Variants in MAPK9 observed in about 807,000 individuals in gnomAD.
MAPK9 encodes Jun kinase.
A neutral mutation model predicts 57.1 loss-of-function variants in MAPK9; 30 were observed. The observed-to-expected ratio is 0.53, with a 90% confidence interval of 0.39 to 0.71. The LOEUF (loss-of-function observed/expected upper bound fraction) is 0.71. Ranked by LOEUF, MAPK9 falls within the 30% of genes least tolerant of loss-of-function variation. MAPK9 has a pLI of 0.00. For synonymous variants in MAPK9, 155 were observed against 177.0 expected (o/e 0.88, Z 0.99); for missense variants, 362 against 521.0 (o/e 0.69, Z 2.97).
chr5:180,278,182 C>A lies in MAPK9; in HGVS notation c.122+2258G>T, dbSNP rs35881695. Reference sequence around the variant, plus strand: ...TCAACAAGTCTCTCCGTGGTACAGGCAATAAGGTCCCAAAGGCCCACAGCT... The same window carrying A: ...TCAACAAGTCTCTCCGTGGTACAGGAAATAAGGTCCCAAAGGCCCACAGCT... On this transcript the variant is annotated intron_variant, in intron 2 of 11. Transcript: ENST00000452135. Among the ~76,000 whole-genome samples, 85 of 152,330 alleles carry A rather than the reference C, an allele frequency of 5.6e-4. No homozygotes were observed. In the East Asian group the frequency reaches 0.015, roughly 27 times the overall value.
intron 1 of MAPK9, among the ~76,000 whole-genome samples, chr5:180,283,645 T>C (rs1043615129): frequency 1.3e-5 from 2 of 152,198 alleles, no homozygotes; most frequent in African/African-American, 4.8e-5. Flanking sequence ...CATCTCAAGA[T>C]TTAAAATAGT....
intron 3 of MAPK9, among the ~76,000 whole-genome samples, chr5:180,265,051 T>C (rs1760383751): frequency 6.6e-6 from 1 of 152,234 alleles, no homozygotes; most frequent in Admixed American, 6.5e-5. Context: ...CTTTTATGTG[T>C]CCCTAGTAAC....
intron 2 of MAPK9, among the ~76,000 whole-genome samples, chr5:180,274,526 C>A (rs1217825185): frequency 6.6e-6 from 1 of 152,204 alleles, no homozygotes; most frequent in East Asian, 1.9e-4. Flanking sequence ...GAGCAGACAG[C>A]AGCGCCTGAC....
intron 1 of MAPK9, among the ~76,000 whole-genome samples, chr5:180,288,398 T>C (rs1581337276): frequency 6.6e-6 from 1 of 152,200 alleles, no homozygotes; most frequent in African/African-American, 2.4e-5. Flanking sequence ...ACTTTCAAAC[T>C]ATTAAGGAAA....
chr5:180,280,356 AAT>A, intron 2 of MAPK9, 82 bp downstream of exon 2: 1 of 1,529,842 alleles, frequency 6.5e-7, no homozygotes, highest in Non-Finnish European at 8.8e-7. Context: ...TTTAATCATC[AAT>A]GTTTCTAAAT....
intron 1 of MAPK9, among the ~76,000 whole-genome samples, chr5:180,285,882 T>C (rs1762698330): frequency 6.6e-6 from 1 of 151,500 alleles, no homozygotes; most frequent in African/African-American, 2.4e-5. Context: ...ACGGAGACCA[T>C]CCTGGCTAAC....
At chr5:180,238,226 C>T (rs183816277) in intron 11 of MAPK9, 106 bp downstream of exon 11, 8,067 of 776,134 alleles carry the variant, frequency 0.01, 103 homozygotes, top group South Asian at 0.032. Context: ...GCAGAGATCG[C>T]GCCGCTGCTC....
At chr5:180,273,937 G>A (rs1317502725) in intron 2 of MAPK9, among the ~76,000 whole-genome samples, 1 of 151,980 alleles carries the variant, frequency 6.6e-6, no homozygotes, top group African/African-American at 2.4e-5. Flanking sequence ...GACCATTCTA[G>A]GGTTTTTATT....
chr5:180,250,545 C>T (rs6877489), intron 5 of MAPK9, among the ~76,000 whole-genome samples: 119,165 of 152,046 alleles, frequency 0.78, 47,240 homozygotes, highest in African/African-American at 0.91. Context: ...CTGTAAGACA[C>T]CCCAACTGAT....
At position 180,247,636 on chromosome 5, in the gene MAPK9, T is replaced by C. The variant is rs1758250759; in HGVS notation, c.617-126A>G. 1 of 981,070 alleles carries C rather than the reference T, an allele frequency of 1.0e-6. No homozygotes were observed. Among genetic ancestry groups the C allele is most frequent in the Non-Finnish European group, 1.6e-6 (1 of 631,690 alleles). 60.8% of individuals were successfully genotyped at this position (981,070 alleles called of 1,614,324 possible). A position where few individuals can be genotyped will look rare whatever the true frequency, so the allele number is the denominator to read the frequency against. The stretch of plus-strand genomic sequence containing the variant: ...AATAAATTGCTAGCTAAGGGTGACA[T>C]TTTACACAATATGAATGATTGCTGA... On this transcript the variant is annotated intron_variant, in intron 6 of 11. Coordinates refer to ENST00000452135, the MANE Select transcript of MAPK9 (RefSeq NM_002752.5). The surrounding 1 kb of genome is among the most constrained non-coding windows in gnomAD (Gnocchi z 4.5).
Position 180,236,427 on chromosome 5 carries a change from C to T in MAPK9, c.1232G>A (p.Ser411Asn). The T allele has an allele frequency of 6.2e-7, 1 of 1,613,594 alleles. No homozygotes were observed. Among genetic ancestry groups the T allele is most frequent in the South Asian group, 1.1e-5 (1 of 90,998 alleles). Residue 411 changes from serine to asparagine, a missense_variant, in exon 12 of 12, where the codon AGC becomes AAC. Physicochemically the swap from Ser to Asn is conservative, Grantham distance 46 (BLOSUM62 1). Transcript: ENST00000452135. ...TEQTLASDTD[S>N]SLDASTGPLE... ...GGGTCCCGTCGAGGCATCAAGACTG[C>T]TGTCTGTGTCTGAGGCCAGCGTCTG...
At chr5:180,291,793 C>T (rs1763276269) in intron 1 of MAPK9, 55 bp downstream of exon 1, 1 of 148,504 alleles carries the variant, frequency 6.7e-6, no homozygotes, top group Non-Finnish European at 1.5e-5. Flanking sequence ...CCGCCCCTCC[C>T]CGCGGGCCCG....
At chr5:180,265,378 C>A (rs931673269) in intron 3 of MAPK9, among the ~76,000 whole-genome samples, 1 of 152,180 alleles carries the variant, frequency 6.6e-6, no homozygotes, top group Non-Finnish European at 1.5e-5. Context: ...ATAATCCCCA[C>A]GTGTCTAGGG....
intron 10 of MAPK9, among the ~76,000 whole-genome samples, chr5:180,238,866 C>T (rs1248884079): frequency 1.3e-5 from 2 of 152,144 alleles, no homozygotes. Context: ...CACTTGGCCT[C>T]CCAAAGTCCT....
intron 5 of MAPK9, among the ~76,000 whole-genome samples, chr5:180,253,267 C>T (rs1758901292): frequency 6.6e-6 from 1 of 152,230 alleles, no homozygotes; most frequent in Non-Finnish European, 1.5e-5. Flanking sequence ...CCTCTGGCTG[C>T]TCCCCCTTCC....
At chr5:180,241,988 CT>C (rs34511447) in intron 8 of MAPK9, among the ~76,000 whole-genome samples, 4 of 149,662 alleles carry the variant, frequency 2.7e-5, no homozygotes, top group Admixed American at 6.7e-5. Flanking sequence ...GCAACTTACA[CT>C]TTTTTTTTTA....
chr5:180,251,533 T>C (rs1250482607), intron 5 of MAPK9, among the ~76,000 whole-genome samples: 1 of 152,204 alleles, frequency 6.6e-6, no homozygotes, highest in East Asian at 1.9e-4. Context: ...GTGGGTGCTC[T>C]GTGTGGCCAA....
chr5:180,271,943 T>C (rs147809292), intron 2 of MAPK9, among the ~76,000 whole-genome samples: 357 of 152,360 alleles, frequency 2.3e-3, no homozygotes, highest in Non-Finnish European at 3.1e-3. Context: ...TTTTTACTAA[T>C]AAAAAATGCC....
chr5:180,288,790 G>C (rs1266425907), intron 1 of MAPK9, among the ~76,000 whole-genome samples: 1 of 152,196 alleles, frequency 6.6e-6, no homozygotes, highest in East Asian at 1.9e-4. Flanking sequence ...ATGATATTTA[G>C]GATTTGCTTG....
Sources: allele counts gnomAD v4.1 joint callset (sites outside exome capture counted in the v4.1 genomes callset), GRCh38; gene constraint gnomAD v4.1.1; non-coding constraint Gnocchi (gnomAD v3.1); transcripts MANE v1.5; gene names NCBI Gene and HGNC (gene_info 2026-07-23, HGNC 2026-07-21).